The following PROKR2 variants were observed in gnomAD, a reference collection of about 807,000 sequenced individuals.
PROKR2 encodes the protein G protein-coupled receptor 73-like 1.
In PROKR2, 26 loss-of-function variants were observed where a neutral mutation model predicts 23.4. The ratio of observed to expected loss-of-function variants is 1.11; its 90% CI spans 0.81 to 1.54. The LOEUF (loss-of-function observed/expected upper bound fraction) is 1.54. Among genes scored for constraint, PROKR2 ranks in the 40% most tolerant of loss-of-function variants. PROKR2 has a pLI of 0.00. For synonymous variants in PROKR2, 212 were observed against 201.2 expected, an observed-to-expected ratio of 1.05 and a Z score of -0.45; for missense variants, 453 against 511.5, an observed-to-expected ratio of 0.89 and a Z score of 1.10.
In PROKR2 at chr20:5,302,040, T is replaced by A; in HGVS notation, c.1155A>T (p.Ter385CysextTer43). 1 of 1,613,224 alleles carries A rather than the reference T, an allele frequency of 6.2e-7. No homozygotes were observed. ...TEEVDCIRLK[*>C] is the part of the protein sequence containing the mutation. ...TTTTCAATTGTGTGACACCAGTGGG[T>A]CACTTCAGCCTGATACAGTCCACCT... is the stretch of plus-strand genomic sequence containing the variant. The change falls in exon 3 of 3, where the codon TGA (stop) becomes TGT (cysteine). Residue 385 changes from the stop codon to cysteine, a stop_lost. Coordinates refer to ENST00000678254, the MANE Select transcript of PROKR2 (RefSeq NM_144773.4).
rs1464298897 is a variant in PROKR2 at position 5,316,279 on chromosome 20, C to G, written c.-9+215G>C. ...GCCCGCGCCCGCACACCACAGACTCCGCTTACCGTACCCTACCCGGTCCTA... is the reference window on the plus strand; with the variant it reads ...GCCCGCGCCCGCACACCACAGACTCGGCTTACCGTACCCTACCCGGTCCTA... On this transcript the variant is annotated intron_variant, in intron 1 of 2. Transcript: ENST00000678254. The surrounding 1 kb of genome is among the most constrained non-coding windows in gnomAD (Gnocchi z 5.0). 1 of 456,588 alleles carries G rather than the reference C, an allele frequency of 2.2e-6. No homozygotes were observed. Among genetic ancestry groups the G allele is most frequent in the Non-Finnish European group, 4.4e-6 (1 of 226,970 alleles). The allele number at this position is 456,588 out of a possible 1,614,324, so 28.3% of individuals were successfully genotyped here. A position where few individuals can be genotyped will look rare whatever the true frequency, so the allele number is the denominator to read the frequency against.
At position 5,313,941 on chromosome 20, in the gene PROKR2, G is replaced by T. The variant is rs761547140; in HGVS notation, c.429C>A (p.Thr143=). Residue 143 remains threonine (T), a synonymous_variant, in exon 2 of 3, where the codon ACC becomes ACA. Transcript: ENST00000678254. The stretch of plus-strand genomic sequence containing the variant: ...CAATGGCAATGGCCAGCAAGGCATT[G>T]GTGGAGACGTAGAGGGAGACGGTGC... ...YLRTVSLYVS[T]NALLAIAIDR... 15 of 1,614,222 alleles carry T rather than the reference G, an allele frequency of 9.3e-6. No homozygotes were observed. Among genetic ancestry groups the T allele is most frequent in the Admixed American group, 5.0e-5 (3 of 60,034 alleles).
chr20:5,312,806 C>T (rs946258120), intron 2 of PROKR2, among the ~76,000 whole-genome samples: 10 of 152,174 alleles, frequency 6.6e-5, no homozygotes, highest in Non-Finnish European at 1.5e-4. Flanking sequence ...CCAGTGATGG[C>T]CCGATGCTGG....
chr20:5,314,944 C>T (rs932598659), intron 1 of PROKR2, among the ~76,000 whole-genome samples: 3 of 152,194 alleles, frequency 2.0e-5, no homozygotes, highest in African/African-American at 4.8e-5. Flanking sequence ...GGTCTTCTCT[C>T]CAAAGCAGGA....
chr20:5,304,921 C>A (rs1979162618), intron 2 of PROKR2, among the ~76,000 whole-genome samples: 1 of 152,084 alleles, frequency 6.6e-6, no homozygotes, highest in Non-Finnish European at 1.5e-5. Context: ...AGGTAATCTG[C>A]ATAAGGCTAC....
Position 5,315,441 on chromosome 20 carries a change from G to A in PROKR2, c.-9+1053C>T, listed in dbSNP as rs535956833. Among the ~76,000 whole-genome samples, 160 of 152,280 alleles carry A rather than the reference G, an allele frequency of 1.1e-3. 1 individual carries two copies. Among genetic ancestry groups the A allele is most frequent in the Middle Eastern group, 3.4e-3 (1 of 294 alleles). On this transcript the variant is annotated intron_variant, in intron 1 of 2. Coordinates refer to ENST00000678254, the MANE Select transcript of PROKR2 (RefSeq NM_144773.4). Reference sequence around the variant, plus strand: ...GCACCCCAGGGTACAAGGCTTCACCGAGGGGCTGGAAAAAGAGCCCAGATC... The same window carrying A: ...GCACCCCAGGGTACAAGGCTTCACCAAGGGGCTGGAAAAAGAGCCCAGATC...
At chr20:5,314,962 CCTT>C (rs1359062514) in intron 1 of PROKR2, among the ~76,000 whole-genome samples, 1 of 152,202 alleles carries the variant, frequency 6.6e-6, no homozygotes, top group Non-Finnish European at 1.5e-5. Context: ...GGACACCACT[CCTT>C]CTGTACTGAC....
rs1276029234 is a variant in PROKR2 at position 5,316,920 on chromosome 20, T to C, written c.-435A>G. ...CGAGTCCCCGGCAGCGGGGGCAGCC[T>C]CTCGCACGGATTTCAGCGCCTTCGC... is the stretch of plus-strand genomic sequence containing the variant. On this transcript the variant is annotated 5_prime_UTR_variant, in exon 1 of 3. Transcript: ENST00000678254. This position sits in a 1 kb window ranked among gnomAD's most constrained non-coding sequence, Gnocchi z 5.0. 6.6e-6 allele frequency among the ~76,000 whole-genome samples: 1 copy of C among 152,240 alleles called. No homozygotes were observed. The highest frequency in any genetic ancestry group is 1.5e-5 in the Non-Finnish European group (1 of 68,040).
At chr20:5,307,197 C>A (rs1361577618) in intron 2 of PROKR2, among the ~76,000 whole-genome samples, 2 of 152,196 alleles carry the variant, frequency 1.3e-5, no homozygotes, top group Non-Finnish European at 2.9e-5. Flanking sequence ...GGGGACAGAT[C>A]AAGAAGCTGT....
chr20:5,314,169 G>A lies in PROKR2; in HGVS notation c.201C>T (p.Cys67=), dbSNP rs201898089. Residue 67 remains cysteine (C), a synonymous_variant, in exon 2 of 3, where the codon TGC becomes TGT. Coordinates refer to ENST00000678254, the MANE Select transcript of PROKR2 (RefSeq NM_144773.4). ...CGATAAAGACAAAGTTACCGATGCC[G>A]CAGACCAGCATGATGCCTGCCAGTG... ...GIALAGIMLV[C]GIGNFVFIAA... 172 of 1,614,034 alleles carry A rather than the reference G, an allele frequency of 1.1e-4. No homozygotes were observed. Among genetic ancestry groups the A allele is most frequent in the African/African-American group, 4.1e-4 (31 of 74,916 alleles).
intron 2 of PROKR2, among the ~76,000 whole-genome samples, chr20:5,309,740 G>A (rs187659973): frequency 6.6e-6 from 1 of 152,146 alleles, no homozygotes; most frequent in Non-Finnish European, 1.5e-5. Context: ...CTTAGATAAT[G>A]CAGAACAAAT....
intron 2 of PROKR2, among the ~76,000 whole-genome samples, chr20:5,307,154 C>T (rs1187228640): frequency 1.3e-5 from 2 of 152,074 alleles, no homozygotes; most frequent in Non-Finnish European, 2.9e-5. Context: ...CCAACTGTCA[C>T]AAGCAACACC....
chr20:5,308,192 G>C (rs1009696637), intron 2 of PROKR2, among the ~76,000 whole-genome samples: 7 of 106,846 alleles, frequency 6.6e-5, no homozygotes, highest in African/African-American at 2.0e-4. Flanking sequence ...TTGGGAACAG[G>C]CCCCCCCCCC....
Position 5,302,357 on chromosome 20 carries a change from T to A in PROKR2, c.838A>T (p.Ile280Phe). ...RRKTVLVLMC[I>F]LTAYVLCWAP... ...CAGCACAGCACATAGGCCGTGAGAA[T>A]GCACATGAGCACCAGGACCGTCTTC... The change falls in exon 3 of 3, where the codon ATT (isoleucine) becomes TTT (phenylalanine). Residue 280 changes from isoleucine (I) to phenylalanine (F), a missense_variant. By Grantham distance (21) the Ile-to-Phe change is conservative. Transcript: ENST00000678254. The A allele has an allele frequency of 1.9e-6, 3 of 1,614,212 alleles. No homozygotes were observed. Among genetic ancestry groups the A allele is most frequent in the Non-Finnish European group, 2.5e-6 (3 of 1,180,044 alleles).
intron 2 of PROKR2, among the ~76,000 whole-genome samples, chr20:5,308,350 C>T (rs1301555345): frequency 6.6e-6 from 1 of 152,230 alleles, no homozygotes; most frequent in Non-Finnish European, 1.5e-5. Context: ...CCGCCCAGGG[C>T]AGAAAACCGC....
intron 1 of PROKR2, among the ~76,000 whole-genome samples, chr20:5,315,317 C>T (rs1568573815): frequency 6.6e-6 from 1 of 152,180 alleles, no homozygotes; most frequent in Non-Finnish European, 1.5e-5. Context: ...CCTAGTTCTC[C>T]ACCCAGAGTC....
intron 2 of PROKR2, among the ~76,000 whole-genome samples, chr20:5,306,786 T>G (rs6076803): frequency 0.54 from 81,640 of 152,002 alleles, 22,075 homozygotes; most frequent in African/African-American, 0.62. Context: ...AAATAGGGAT[T>G]ACAGGACAGC....
rs571562168 is a variant in PROKR2 at position 5,301,065 on chromosome 20, G to T, written c.*975C>A. Among the ~76,000 whole-genome samples the T allele has an allele frequency of 1.5e-3, 233 of 152,088 alleles. No homozygotes were observed. Among genetic ancestry groups the T allele is most frequent in the Non-Finnish European group, 2.9e-3 (199 of 68,014 alleles). ...TCTTGAAGCCAAAATCCTAGAGAAT[G>T]CCCTGGGAGGCAGTAGGAGGTGGGT... On this transcript the variant is annotated 3_prime_UTR_variant, in exon 3 of 3. Coordinates refer to ENST00000678254, the MANE Select transcript of PROKR2 (RefSeq NM_144773.4).
rs78687002 is a variant in PROKR2 at position 5,300,038 on chromosome 20, A to G, written c.*2002T>C. Among the ~76,000 whole-genome samples, 1 of 152,248 alleles carries G rather than the reference A, an allele frequency of 6.6e-6. No individual in the cohort carries two copies. Among genetic ancestry groups the G allele is most frequent in the East Asian group, 1.9e-4 (1 of 5,200 alleles). ...AACAAATCAACAAATAATAGAAACA[A>G]TCAAACAAGCAAACAATTAATTCCT... On this transcript the variant is annotated 3_prime_UTR_variant, in exon 3 of 3. Transcript: ENST00000678254.
Sources: gnomAD v4.1 joint callset for allele counts (sites outside exome capture counted in the v4.1 genomes callset) on GRCh38, gnomAD v4.1.1 for gene constraint, Gnocchi (gnomAD v3.1) non-coding constraint, MANE v1.5 for transcripts, NCBI Gene and HGNC (gene_info 2026-07-23, HGNC 2026-07-21) for gene names.